The following WWOX variants were observed in gnomAD, a reference collection of about 807,000 sequenced individuals.
WWOX encodes WW domain-containing oxidoreductase.
In WWOX, 69 loss-of-function variants were observed where a neutral mutation model predicts 46.2. The observed-to-expected ratio is 1.49, with a 90% confidence interval of 1.23 to 1.82. The LOEUF (loss-of-function observed/expected upper bound fraction) is 1.82, where lower values mean the gene tolerates loss of function less well. Among genes scored for constraint, WWOX ranks in the 40% most tolerant of loss-of-function variants. WWOX has a pLI of 0.00. For synonymous variants in WWOX, 359 were observed against 202.6 expected, an observed-to-expected ratio of 1.77 and a Z score of -6.56; for missense variants, 919 against 542.6, an observed-to-expected ratio of 1.69 and a Z score of -6.89.
chr16:78,851,691 G>A (rs538858762), intron 8 of WWOX, among the ~76,000 whole-genome samples: 13 of 152,272 alleles, frequency 8.5e-5, no homozygotes, highest in African/African-American at 3.1e-4. Flanking sequence ...AATACAAGGT[G>A]ACTCCAAATA....
At chr16:78,812,332 C>G (rs940774496) in intron 8 of WWOX, among the ~76,000 whole-genome samples, 1 of 152,040 alleles carries the variant, frequency 6.6e-6, no homozygotes, top group South Asian at 2.1e-4. Flanking sequence ...GGTTTTGAGA[C>G]CCTCAGGGTG....
chr16:78,418,142 C>T (rs1011720375), intron 6 of WWOX, among the ~76,000 whole-genome samples: 3 of 152,068 alleles, frequency 2.0e-5, no homozygotes, highest in African/African-American at 7.2e-5. Context: ...GGGTGGATCA[C>T]GAGGTCAGGA....
chr16:78,250,067 G>A (rs1299626730), intron 5 of WWOX, among the ~76,000 whole-genome samples: 1 of 152,166 alleles, frequency 6.6e-6, no homozygotes, highest in Non-Finnish European at 1.5e-5. Flanking sequence ...CTGGCCTTGG[G>A]CAAGCCACCC....
At chr16:79,207,757 C>G (rs1047326234) in intron 8 of WWOX, among the ~76,000 whole-genome samples, 1 of 151,530 alleles carries the variant, frequency 6.6e-6, no homozygotes, top group Admixed American at 6.6e-5. Flanking sequence ...AGAGTACTAA[C>G]CAATGCATTA....
At chr16:78,853,176 C>G (rs2052489219) in intron 8 of WWOX, among the ~76,000 whole-genome samples, 1 of 152,078 alleles carries the variant, frequency 6.6e-6, no homozygotes. Flanking sequence ...CCATGTATAG[C>G]CATGGCAAAT....
intron 8 of WWOX, among the ~76,000 whole-genome samples, chr16:78,904,321 C>G (rs912800805): frequency 6.0e-5 from 9 of 148,936 alleles, no homozygotes; most frequent in South Asian, 4.3e-4. Context: ...TCACTGCAAC[C>G]TCTGCCTCCC....
At chr16:79,101,763 C>T (rs957833137) in intron 8 of WWOX, 3 of 146,674 alleles carry the variant, frequency 2.0e-5, no homozygotes, top group African/African-American at 7.9e-5. Context: ...AAAAAAAGGA[C>T]TAATACTTCC....
chr16:78,674,967 G>A (rs930297211), intron 8 of WWOX, among the ~76,000 whole-genome samples: 2 of 151,980 alleles, frequency 1.3e-5, no homozygotes, highest in African/African-American at 4.8e-5. Context: ...TCCCCTCAGT[G>A]AAACATGATT....
At chr16:78,531,594 G>A (rs1159541161) in intron 8 of WWOX, among the ~76,000 whole-genome samples, 1 of 152,170 alleles carries the variant, frequency 6.6e-6, no homozygotes, top group Non-Finnish European at 1.5e-5. Flanking sequence ...TGTAATCCCA[G>A]CACTTTGGGA....
intron 8 of WWOX, among the ~76,000 whole-genome samples, chr16:78,491,288 C>G (rs890084468): frequency 6.6e-6 from 1 of 150,854 alleles, no homozygotes; most frequent in African/African-American, 2.5e-5. Context: ...TGTCTGGTTA[C>G]AAGGTCATCT....
At chr16:78,757,097 G>T (rs2049669872) in intron 8 of WWOX, 1 of 689,918 alleles carries the variant, frequency 1.4e-6, no homozygotes, top group Admixed American at 2.0e-5. Flanking sequence ...AATCTTGACT[G>T]GAACTTTATT....
At position 78,655,364 on chromosome 16, in the gene WWOX, A is replaced by G. The variant is rs192541432; in HGVS notation, c.1056+222612A>G. Among the ~76,000 whole-genome samples, 10 of 152,240 alleles carry G rather than the reference A, an allele frequency of 6.6e-5. No homozygotes were observed. In the East Asian group the frequency reaches 9.6e-4, roughly 15 times the overall value. ...AACTTGATATAATAACGTTGGCTTG[A>G]TCTCCTCAGCCTGTGTCTTGAGGGA... is the stretch of plus-strand genomic sequence containing the variant. On this transcript the variant is annotated intron_variant, in intron 8 of 8. Coordinates refer to ENST00000566780, the MANE Select transcript of WWOX (RefSeq NM_016373.4).
At chr16:78,529,785 G>A (rs953816126) in intron 8 of WWOX, among the ~76,000 whole-genome samples, 2 of 152,086 alleles carry the variant, frequency 1.3e-5, no homozygotes, top group African/African-American at 4.8e-5. Flanking sequence ...GTTTTAAAAT[G>A]CATACTATTA....
intron 8 of WWOX, chr16:78,895,931 A>C (rs1195325923): frequency 6.6e-6 from 1 of 152,126 alleles, no homozygotes; most frequent in African/African-American, 2.4e-5. Flanking sequence ...AAACAATCTC[A>C]TGAATTTGGT....
chr16:78,840,617 G>A (rs530040069), intron 8 of WWOX, among the ~76,000 whole-genome samples: 19 of 152,114 alleles, frequency 1.2e-4, no homozygotes, highest in Admixed American at 5.9e-4. Context: ...TGCTCCAAAT[G>A]TGATGTCCTC....
chr16:78,938,115 T>A lies in WWOX; in HGVS notation c.1057-273493T>A, dbSNP rs549720707. ...CACTCAGACCCTGTGATTTTATTTT[T>A]CATCTCCTCACATCTGGCGCTGAAT... is the stretch of plus-strand genomic sequence containing the variant. On this transcript the variant is annotated intron_variant, in intron 8 of 8. Coordinates refer to ENST00000566780, the MANE Select transcript of WWOX (RefSeq NM_016373.4). Among the ~76,000 whole-genome samples, 6 of 152,302 alleles carry A rather than the reference T, an allele frequency of 3.9e-5. 1 individual carries two copies. The highest frequency in any genetic ancestry group is 1.4e-4 in the African/African-American group (6 of 41,564).
At chr16:78,854,663 C>G (rs1251523933) in intron 8 of WWOX, among the ~76,000 whole-genome samples, 1 of 152,174 alleles carries the variant, frequency 6.6e-6, no homozygotes, top group African/African-American at 2.4e-5. Context: ...TGACTGCAAC[C>G]TCCGCCTCCC....
intron 7 of WWOX, among the ~76,000 whole-genome samples, chr16:78,425,678 C>A (rs2083059122): frequency 6.6e-6 from 1 of 152,104 alleles, no homozygotes; most frequent in Admixed American, 6.6e-5. Flanking sequence ...ATATTTGTTT[C>A]TAGAGTTGGA....
intron 8 of WWOX, among the ~76,000 whole-genome samples, chr16:79,075,552 T>G (rs1362826583): frequency 0.016 from 1 of 62 alleles, no homozygotes; most frequent in Non-Finnish European, 0.031. Context: ...TCTCTCTCTC[T>G]TTTTTTTTTT....
Sources: gnomAD v4.1 joint callset for allele counts (sites outside exome capture counted in the v4.1 genomes callset) on GRCh38, gnomAD v4.1.1 for gene constraint, MANE v1.5 for transcripts, NCBI Gene and HGNC (gene_info 2026-07-23, HGNC 2026-07-21) for gene names.